The following SLC3A1 variants were observed in gnomAD, a reference collection of about 807,000 sequenced individuals.
SLC3A1 encodes the protein solute carrier family 3 member 1.
SLC3A1 carries 78 observed loss-of-function variants against 60.3 expected under a neutral mutation model. The ratio of observed to expected loss-of-function variants is 1.29; its 90% CI spans 1.08 to 1.56. SLC3A1 has a LOEUF of 1.56. Ranked by LOEUF, SLC3A1 falls within the 40% of genes most tolerant of loss-of-function variation. The probability of loss-of-function intolerance (pLI) is 0.00; values close to 1 mark genes in which losing one functional copy is unlikely to be tolerated. For missense variants in SLC3A1, 1,172 were observed against 858.9 expected (o/e 1.36, Z -4.56); for synonymous variants, 392 against 307.9 (o/e 1.27, Z -2.86).
intron 9 of SLC3A1, chr2:44,317,856 G>T (rs945947022): frequency 1.0e-5 from 2 of 195,674 alleles, no homozygotes; most frequent in Non-Finnish European, 2.1e-5. Context: ...AATATGAATG[G>T]GTTAAATTAG....
rs1441556165 is a variant in SLC3A1 at position 44,289,104 on chromosome 2, G to A, written c.891+2947G>A. On this transcript the variant is annotated intron_variant, in intron 4 of 9. Transcript: ENST00000260649. ...CCCTCCTTGGCCTCCCACAGTGCTGGGATTACAGGTGTGAGCCACCGCACC... is the reference window on the plus strand; with the variant it reads ...CCCTCCTTGGCCTCCCACAGTGCTGAGATTACAGGTGTGAGCCACCGCACC... 8.5e-5 allele frequency among the ~76,000 whole-genome samples: 13 copies of A among 152,072 alleles called. No homozygotes were observed. The South Asian group carries it at 2.3e-3, about 27-fold the overall frequency.
intron 7 of SLC3A1, among the ~76,000 whole-genome samples, chr2:44,304,792 T>C (rs1264204675): frequency 6.6e-6 from 1 of 151,282 alleles, no homozygotes; most frequent in African/African-American, 2.4e-5. Context: ...CTCCCCCTTC[T>C]GTACTACACT....
rs944822534 is a variant in SLC3A1, at chr2:44,317,927, A to G, written c.1618-2272A>G. On this transcript the variant is annotated intron_variant, in intron 9 of 9. Transcript: ENST00000260649. Reference sequence around the variant, plus strand: ...CAGACATAAGAAACACTAACATAAAACACAAAGAATTAAAATGAAGATATA... The same window carrying G: ...CAGACATAAGAAACACTAACATAAAGCACAAAGAATTAAAATGAAGATATA... 5.5e-5 allele frequency: 14 copies of G among 252,844 alleles called. No homozygotes were observed. The Middle Eastern group carries it at 4.2e-3, about 75-fold the overall frequency. 15.7% of individuals were successfully genotyped at this position (252,844 alleles called of 1,614,324 possible). A position where few individuals can be genotyped will look rare whatever the true frequency, so the allele number is the denominator to read the frequency against.
In SLC3A1 at chr2:44,301,001, A is replaced by G. The variant is rs1671989214; in HGVS notation, c.1012-2A>G. On this transcript the variant is annotated splice_acceptor_variant, in intron 5 of 9. Coordinates refer to ENST00000260649, the MANE Select transcript of SLC3A1 (RefSeq NM_000341.4). LOFTEE classifies it high-confidence loss of function. Reference sequence around the variant, plus strand: ...GTAACCATGTCGTCCTGGTTTTCAAAGGACACGGTCACACAATACTCGGAG... The same window carrying G: ...GTAACCATGTCGTCCTGGTTTTCAAGGGACACGGTCACACAATACTCGGAG... 1 of 1,613,884 alleles carries G rather than the reference A, an allele frequency of 6.2e-7. No individual in the cohort carries two copies. The highest frequency in any genetic ancestry group is 1.7e-5 in the Admixed American group (1 of 60,000).
At chr2:44,321,689 C>CT, downstream of SLC3A1, 1 of 1,565,986 alleles carries the variant, frequency 6.4e-7, no homozygotes, top group Non-Finnish European at 8.7e-7. Flanking sequence ...GTGTCCCTCC[C>CT]TCCCCTCCTG....
chr2:44,321,265 C>G lies in SLC3A1; in HGVS notation c.*626C>G. ...TAAAAAATTAATAACTTAAAAGTCT[C>G]AAGTTATTAATTTTTTTTTTGCTAA... On this transcript the variant is annotated 3_prime_UTR_variant, in exon 10 of 10. Transcript: ENST00000260649. 9.0e-7 allele frequency: 1 copy of G among 1,109,280 alleles called. No individual in the cohort carries two copies. Among genetic ancestry groups the G allele is most frequent in the East Asian group, 2.5e-5 (1 of 39,414 alleles). 68.7% of individuals were successfully genotyped at this position (1,109,280 alleles called of 1,614,324 possible). A position where few individuals can be genotyped will look rare whatever the true frequency, so the allele number is the denominator to read the frequency against.
At chr2:44,319,392 G>A (rs983236085) in intron 9 of SLC3A1, 2 of 152,506 alleles carry the variant, frequency 1.3e-5, no homozygotes, top group East Asian at 3.9e-4. Flanking sequence ...AAAAATGGGG[G>A]GAGGGGAATA....
chr2:44,292,440 G>C (rs554770663), intron 4 of SLC3A1, among the ~76,000 whole-genome samples: 1 of 152,174 alleles, frequency 6.6e-6, no homozygotes, highest in South Asian at 2.1e-4. Flanking sequence ...TTAATGATAG[G>C]TATTGTGTGT....
intron 8 of SLC3A1, among the ~76,000 whole-genome samples, chr2:44,313,294 G>C (rs557788767): frequency 6.6e-6 from 1 of 152,072 alleles, no homozygotes; most frequent in East Asian, 1.9e-4. Flanking sequence ...CTGGGTAGAC[G>C]ACTATCTTGC....
Position 44,286,070 on chromosome 2 carries a change from A to C in SLC3A1, c.804A>C (p.Glu268Asp). 6.2e-7 allele frequency: 1 copy of C among 1,614,120 alleles called. No individual in the cohort carries two copies. The highest frequency in any genetic ancestry group is 8.5e-7 in the Non-Finnish European group (1 of 1,179,950). Residue 268 changes from glutamate to aspartate, a missense_variant, in exon 4 of 10, where the codon GAA becomes GAC. Physicochemically the swap from Glu to Asp is conservative, Grantham distance 45. Transcript: ENST00000260649. ...VYGNSSWHFD[E>D]VRNQCYFHQF... Reference sequence around the variant, plus strand: ...GAAACTCCAGTTGGCACTTTGACGAAGTGCGAAACCAATGTTATTTTCATC... The same window carrying C: ...GAAACTCCAGTTGGCACTTTGACGACGTGCGAAACCAATGTTATTTTCATC...
chr2:44,319,972 G>A lies in SLC3A1; in HGVS notation c.1618-227G>A, dbSNP rs1672783607. The A allele has an allele frequency of 1.1e-5, 6 of 538,280 alleles. No individual in the cohort carries two copies. The East Asian group carries it at 2.0e-4, about 18-fold the overall frequency. 33.3% of individuals were successfully genotyped at this position (538,280 alleles called of 1,614,324 possible). ...AAACTCTACAATGTAGCAGAGCACT[G>A]TGCGTACTTATTGACTCCCAGACAA... is the stretch of plus-strand genomic sequence containing the variant. On this transcript the variant is annotated intron_variant, in intron 9 of 9. Coordinates refer to ENST00000260649, the MANE Select transcript of SLC3A1 (RefSeq NM_000341.4).
At position 44,275,883 on chromosome 2, in the gene SLC3A1, C is replaced by T; in HGVS notation, c.348C>T (p.Asp116=). ...TTGCCCTCTCTCCAAAGTGCCTAGA[C>T]TGGTGGCAGGAGGGGCCCATGTACC... The part of the protein sequence containing the change: ...AIIALSPKCL[D]WWQEGPMYQI... The change falls in exon 1 of 10, where the codon GAC becomes GAT. Residue 116 remains aspartate (D), a synonymous_variant. Coordinates refer to ENST00000260649, the MANE Select transcript of SLC3A1 (RefSeq NM_000341.4). 1 of 1,614,214 alleles carries T rather than the reference C, an allele frequency of 6.2e-7. No homozygotes were observed. The highest frequency in any genetic ancestry group is 2.2e-5 in the East Asian group (1 of 44,884).
At chr2:44,299,385 C>T (rs1296072871) in intron 4 of SLC3A1, among the ~76,000 whole-genome samples, 1 of 152,172 alleles carries the variant, frequency 6.6e-6, no homozygotes, top group Admixed American at 6.5e-5. Flanking sequence ...ACACTAGTAT[C>T]TGAGTTTTAC....
intron 7 of SLC3A1, among the ~76,000 whole-genome samples, chr2:44,306,764 C>CCTCGAACTGGT (rs1296728645): frequency 5.3e-5 from 8 of 151,866 alleles, no homozygotes; most frequent in Non-Finnish European, 1.0e-4. Flanking sequence ...ATCATGTTGG[C>CCTCGAACTGGT]CAGGCTGGTC....
intron 9 of SLC3A1, among the ~76,000 whole-genome samples, chr2:44,317,357 G>A (rs182323985): frequency 6.6e-6 from 1 of 151,988 alleles, no homozygotes; most frequent in East Asian, 1.9e-4. Flanking sequence ...AACTACTCAG[G>A]AGGCTGAGGT....
intron 4 of SLC3A1, among the ~76,000 whole-genome samples, chr2:44,296,474 C>T (rs1671846238): frequency 6.6e-6 from 1 of 151,900 alleles, no homozygotes; most frequent in Admixed American, 6.6e-5. Context: ...TTTTTTATGC[C>T]CCAGAGAAAA....
At chr2:44,278,420 C>T (rs1671401078) in intron 1 of SLC3A1, among the ~76,000 whole-genome samples, 1 of 151,786 alleles carries the variant, frequency 6.6e-6, no homozygotes, top group Non-Finnish European at 1.5e-5. Flanking sequence ...TGCACTCCAG[C>T]CTGGGCGACA....
intron 1 of SLC3A1, among the ~76,000 whole-genome samples, chr2:44,277,212 A>ATCCTTAACTGTCATATACTAT (rs1671368348): frequency 6.6e-6 from 1 of 150,832 alleles, no homozygotes; most frequent in South Asian, 2.1e-4. Context: ...GGTTCAAGCA[A>ATCCTTAACTGTCATATACTAT]TTCTCTCGGC....
chr2:44,288,167 C>A (rs1382251948), intron 4 of SLC3A1, among the ~76,000 whole-genome samples: 2 of 152,006 alleles, frequency 1.3e-5, no homozygotes, highest in Non-Finnish European at 2.9e-5. Flanking sequence ...GCTGGGACTA[C>A]AGGCATGTAC....
Sources: gnomAD v4.1 joint callset for allele counts (sites outside exome capture counted in the v4.1 genomes callset) on GRCh38, gnomAD v4.1.1 for gene constraint, MANE v1.5 for transcripts, NCBI Gene and HGNC (gene_info 2026-07-23, HGNC 2026-07-21) for gene names.